The following ROR1 variants were observed in gnomAD, a reference collection of about 807,000 sequenced individuals.
The protein encoded by ROR1 is inactive tyrosine-protein kinase transmembrane receptor ROR1.
Under a neutral mutation model 78.8 loss-of-function variants are expected in ROR1, and 19 were observed. The ratio of observed to expected loss-of-function variants is 0.24; its 90% CI spans 0.17 to 0.35. The LOEUF is 0.35. Among genes scored for constraint, ROR1 ranks in the 10% least tolerant of loss-of-function variants. The pLI, the probability that ROR1 is intolerant of heterozygous loss-of-function variation, is 1.00. For synonymous variants in ROR1, 386 were observed against 433.6 expected (o/e 0.89, Z 1.36); for missense variants, 917 against 1,177.8 (o/e 0.78, Z 3.24).
intron 4 of ROR1, among the ~76,000 whole-genome samples, chr1:64,101,465 G>A (rs1647538900): frequency 6.6e-6 from 1 of 152,118 alleles, no homozygotes; most frequent in Admixed American, 6.6e-5. Context: ...TTGGGGAGGA[G>A]GTAGAGACAT....
chr1:64,135,097 G>T (rs1300598300), intron 4 of ROR1, among the ~76,000 whole-genome samples: 2 of 151,970 alleles, frequency 1.3e-5, no homozygotes, highest in Non-Finnish European at 2.9e-5. Flanking sequence ...GGGTTTTTTT[G>T]TGTTCTTTTT....
chr1:63,834,178 A>G (rs1405808465), intron 1 of ROR1, among the ~76,000 whole-genome samples: 2 of 142,210 alleles, frequency 1.4e-5, no homozygotes, highest in Non-Finnish European at 3.1e-5. Flanking sequence ...GCTGAGATGG[A>G]GAAGCCTCCG....
chr1:63,909,214 G>A (rs1645550437), intron 1 of ROR1, among the ~76,000 whole-genome samples: 1 of 152,000 alleles, frequency 6.6e-6, no homozygotes, highest in Admixed American at 6.6e-5. Context: ...GCTTGAGCAC[G>A]AATACTTTTC....
At chr1:63,875,851 T>C (rs1422408154) in intron 1 of ROR1, among the ~76,000 whole-genome samples, 6 of 152,194 alleles carry the variant, frequency 3.9e-5, no homozygotes, top group Admixed American at 3.3e-4. Context: ...TGCCTACTAA[T>C]CTTGCAAATG....
chr1:64,101,198 A>T (rs1044296218), intron 4 of ROR1, among the ~76,000 whole-genome samples: 3 of 152,158 alleles, frequency 2.0e-5, no homozygotes, highest in African/African-American at 7.2e-5. Flanking sequence ...TTTTATGCCC[A>T]CAGTAGAGTA....
At chr1:64,118,689 C>T (rs1374516908) in intron 4 of ROR1, among the ~76,000 whole-genome samples, 1 of 148,968 alleles carries the variant, frequency 6.7e-6, no homozygotes, top group African/African-American at 2.5e-5. Context: ...TCCTAATGCT[C>T]GTTCTGATGC....
chr1:64,168,217 A>G (rs1650138639), intron 8 of ROR1, among the ~76,000 whole-genome samples: 1 of 152,220 alleles, frequency 6.6e-6, no homozygotes, highest in African/African-American at 2.4e-5. Flanking sequence ...TTGACCACCT[A>G]CCAGCTGTGA....
Position 63,786,256 on chromosome 1 carries a change from A to ATTTTTTTTT in ROR1, c.91+11774_91+11782dup, listed in dbSNP as rs34933492. Among the ~76,000 whole-genome samples, 31 of 67,512 alleles carry ATTTTTTTTT rather than the reference A, an allele frequency of 4.6e-4. 2 individuals carry two copies. Among genetic ancestry groups the ATTTTTTTTT allele is most frequent in the Non-Finnish European group, 7.4e-4 (26 of 35,310 alleles). 44.3% of individuals were successfully genotyped at this position (67,512 alleles called of 152,430 possible). A position where few individuals can be genotyped will look rare whatever the true frequency, so the allele number is the denominator to read the frequency against. The stretch of plus-strand genomic sequence containing the variant: ...CCCCCCTTACGCTGGCTACAACTTG[A>ATTTTTTTTT]TTTTTTTTTTTTTTTTTTTTTTTTT... On this transcript the variant is annotated intron_variant, in intron 1 of 8. Coordinates refer to ENST00000371079, the MANE Select transcript of ROR1 (RefSeq NM_005012.4).
intron 1 of ROR1, among the ~76,000 whole-genome samples, chr1:63,981,045 A>T (rs1467308375): frequency 1.3e-5 from 2 of 152,190 alleles, no homozygotes; most frequent in Admixed American, 6.5e-5. Flanking sequence ...TGAATCACTC[A>T]TGCTGCCAGA....
intron 1 of ROR1, among the ~76,000 whole-genome samples, chr1:63,818,929 A>G (rs978009883): frequency 3.9e-5 from 6 of 151,996 alleles, no homozygotes; most frequent in Non-Finnish European, 7.4e-5. Flanking sequence ...CTGCATTTCA[A>G]ATTATGCTTC....
intron 1 of ROR1, among the ~76,000 whole-genome samples, chr1:63,812,057 T>C (rs1292929651): frequency 1.4e-5 from 2 of 144,032 alleles, no homozygotes; most frequent in South Asian, 2.3e-4. Context: ...ACCTCCCGGG[T>C]TCAAGCAATT....
At position 63,774,619 on chromosome 1, in the gene ROR1, C is replaced by A. The variant is rs1448825809; in HGVS notation, c.91+111C>A. ...AGGAAGCGCCGCGCTGGCTCCGGGG[C>A]GCGTCCGGCCACCCGCCACGGGGCT... On this transcript the variant is annotated intron_variant, in intron 1 of 8. Coordinates refer to ENST00000371079, the MANE Select transcript of ROR1 (RefSeq NM_005012.4). This position sits in a 1 kb window ranked among gnomAD's most constrained non-coding sequence, Gnocchi z 5.7. 8.9e-5 allele frequency: 43 copies of A among 483,314 alleles called. No individual in the cohort carries two copies. Among genetic ancestry groups the A allele is most frequent in the Non-Finnish European group, 1.1e-4 (39 of 370,694 alleles). 29.9% of individuals were successfully genotyped at this position (483,314 alleles called of 1,614,324 possible).
intron 1 of ROR1, among the ~76,000 whole-genome samples, chr1:63,877,644 C>T (rs1211267850): frequency 6.6e-6 from 1 of 152,112 alleles, no homozygotes; most frequent in Non-Finnish European, 1.5e-5. Context: ...AAGTAAATAG[C>T]ATTGCTTCTT....
intron 1 of ROR1, among the ~76,000 whole-genome samples, chr1:63,925,059 T>A (rs1034176859): frequency 2.7e-5 from 4 of 150,670 alleles, no homozygotes; most frequent in African/African-American, 9.8e-5. Context: ...CATGTGCACA[T>A]TGTGCAGGTT....
At chr1:64,055,960 C>T (rs986091631) in intron 4 of ROR1, among the ~76,000 whole-genome samples, 3 of 152,172 alleles carry the variant, frequency 2.0e-5, no homozygotes, top group African/African-American at 4.8e-5. Flanking sequence ...TGCCTTCTTT[C>T]ACTTAGCATA....
chr1:63,868,853 A>G (rs936888822), intron 1 of ROR1, among the ~76,000 whole-genome samples: 2 of 152,190 alleles, frequency 1.3e-5, no homozygotes, highest in East Asian at 1.9e-4. Context: ...TTCAAGACAT[A>G]GGTTTTTACA....
intron 4 of ROR1, among the ~76,000 whole-genome samples, chr1:64,136,083 T>C (rs1287154971): frequency 6.6e-6 from 1 of 152,204 alleles, no homozygotes; most frequent in Non-Finnish European, 1.5e-5. Context: ...AATGTCCCTT[T>C]GGTCATTGTA....
chr1:64,088,042 G>T (rs1647167410), intron 4 of ROR1, among the ~76,000 whole-genome samples: 2 of 152,160 alleles, frequency 1.3e-5, no homozygotes, highest in East Asian at 1.9e-4. Context: ...CTACATTTCT[G>T]CCAGTTGTGG....
chr1:63,870,102 G>T (rs910330571), intron 1 of ROR1, among the ~76,000 whole-genome samples: 4 of 152,152 alleles, frequency 2.6e-5, no homozygotes, highest in Non-Finnish European at 5.9e-5. Flanking sequence ...TAATATATTT[G>T]TGTGTTCACT....
Sources: gnomAD v4.1 joint callset for allele counts (sites outside exome capture counted in the v4.1 genomes callset) on GRCh38, gnomAD v4.1.1 for gene constraint, Gnocchi (gnomAD v3.1) non-coding constraint, MANE v1.5 for transcripts, NCBI Gene and HGNC (gene_info 2026-07-23, HGNC 2026-07-21) for gene names.